The following YAP1 variants were observed in gnomAD, a reference collection of about 807,000 sequenced individuals.
YAP1 encodes the protein transcriptional coactivator YAP1.
Under a neutral mutation model 56.9 loss-of-function variants are expected in YAP1, and 5 were observed. The observed-to-expected ratio is 0.09, with a 90% CI of 0.05 to 0.18. YAP1 has a LOEUF of 0.18. Among genes scored for constraint, YAP1 ranks in the 10% least tolerant of loss-of-function variants. The pLI is 1.00. For synonymous variants in YAP1, 265 were observed against 248.1 expected, an observed-to-expected ratio of 1.07 and a Z score of -0.64; for missense variants, 539 against 651.8, an observed-to-expected ratio of 0.83 and a Z score of 1.88.
chr11:102,184,082 AAAAAAAAAAAAAAG>A (rs1947810101), intron 3 of YAP1, among the ~76,000 whole-genome samples: 2 of 145,540 alleles, frequency 1.4e-5, no homozygotes, highest in South Asian at 4.3e-4. Flanking sequence ...GTCTCAAAAA[AAAAAAAAAAAAAAG>A]AAAGCTACAA....
chr11:102,112,746 G>C, intron 1 of YAP1: 1 of 985,320 alleles, frequency 1.0e-6, no homozygotes, highest in Non-Finnish European at 1.2e-6. Context: ...TTTGTCTTAG[G>C]TATGCTTTTT....
chr11:102,122,253 A>G (rs1361418292), intron 2 of YAP1, among the ~76,000 whole-genome samples: 1 of 151,750 alleles, frequency 6.6e-6, no homozygotes, highest in African/African-American at 2.4e-5. Context: ...ACCGATCTCT[A>G]CTAAAAATAG....
intron 3 of YAP1, among the ~76,000 whole-genome samples, chr11:102,176,867 G>A (rs1425588763): frequency 6.6e-6 from 1 of 151,262 alleles, no homozygotes; most frequent in East Asian, 1.9e-4. Context: ...GGTGGAAAGT[G>A]CATGACACTT....
intron 6 of YAP1, 135 bp downstream of exon 6, chr11:102,209,699 C>T (rs1166285497): frequency 1.4e-5 from 11 of 784,140 alleles, no homozygotes; most frequent in Non-Finnish European, 1.9e-5. Context: ...CATCTTTCTA[C>T]CAAGATACTC....
chr11:102,178,446 A>G (rs148223137), intron 3 of YAP1, among the ~76,000 whole-genome samples: 32 of 152,308 alleles, frequency 2.1e-4, no homozygotes, highest in Non-Finnish European at 4.0e-4. Context: ...TCCTGTTTGA[A>G]TAGACATGGC....
At chr11:102,137,879 C>CT (rs901038833) in intron 2 of YAP1, among the ~76,000 whole-genome samples, 109 of 146,948 alleles carry the variant, frequency 7.4e-4, no homozygotes, top group African/African-American at 2.2e-3. Context: ...GAACTAAGTT[C>CT]TTTTTTTTTT....
chr11:102,186,004 T>C lies in YAP1; in HGVS notation c.689-14T>C, dbSNP rs756600229. The C allele has an allele frequency of 1.3e-6, 2 of 1,543,880 alleles. No homozygotes were observed. The highest frequency in any genetic ancestry group is 4.6e-5 in the East Asian group (2 of 43,792). Reference sequence around the variant, plus strand: ...ATAAAAACCATGATTTTTTTTTTTTTTTCTGTATTATAGGTCCTCTTCCTG... The same window carrying C: ...ATAAAAACCATGATTTTTTTTTTTTCTTCTGTATTATAGGTCCTCTTCCTG... On this transcript the variant is annotated splice_polypyrimidine_tract_variant and intron_variant, in intron 3 of 8. Coordinates refer to ENST00000282441, the MANE Select transcript of YAP1 (RefSeq NM_001130145.3).
chr11:102,137,908 G>A (rs897361118), intron 2 of YAP1, among the ~76,000 whole-genome samples: 4 of 151,700 alleles, frequency 2.6e-5, no homozygotes, highest in African/African-American at 9.7e-5. Context: ...AAATTTCCGA[G>A]ATGGAGTCTT....
Position 102,128,051 on chromosome 11 carries a change from GC to G in YAP1, c.572+13660del, listed in dbSNP as rs367762788. 6.1e-3 allele frequency among the ~76,000 whole-genome samples: 932 copies of G among 152,286 alleles called. 10 individuals carry two copies. The highest frequency in any genetic ancestry group is 0.021 in the African/African-American group (890 of 41,554). ...AACTAGCTTGCTTTTAGTTTTACAG[GC>G]CCATAGGTGGAAGGGATTTGCCTTG... On this transcript the variant is annotated intron_variant, in intron 2 of 8. Coordinates refer to ENST00000282441, the MANE Select transcript of YAP1 (RefSeq NM_001130145.3).
At chr11:102,183,317 A>C (rs1301387664) in intron 3 of YAP1, among the ~76,000 whole-genome samples, 1 of 152,258 alleles carries the variant, frequency 6.6e-6, no homozygotes, top group African/African-American at 2.4e-5. Flanking sequence ...TATCTGAAGA[A>C]GACTTCAGAA....
intron 1 of YAP1, among the ~76,000 whole-genome samples, chr11:102,113,537 T>G (rs988544773): frequency 6.6e-6 from 1 of 152,188 alleles, no homozygotes; most frequent in Admixed American, 6.5e-5. Context: ...ATAGTTGGGT[T>G]TTTTTCATCC....
At chr11:102,221,606 G>A (rs1565284758) in intron 6 of YAP1, among the ~76,000 whole-genome samples, 1 of 151,784 alleles carries the variant, frequency 6.6e-6, no homozygotes, top group Non-Finnish European at 1.5e-5. Context: ...CTCTGTGGCT[G>A]CAGCTACTCA....
At chr11:102,220,258 A>T (rs1949860040) in intron 6 of YAP1, among the ~76,000 whole-genome samples, 2 of 152,190 alleles carry the variant, frequency 1.3e-5, no homozygotes, top group South Asian at 4.2e-4. Flanking sequence ...GGCTTGAGAT[A>T]GTATGCCATA....
intron 3 of YAP1, among the ~76,000 whole-genome samples, chr11:102,168,706 A>G (rs1946736728): frequency 6.6e-6 from 1 of 152,196 alleles, no homozygotes; most frequent in Non-Finnish European, 1.5e-5. Flanking sequence ...TTCAGAAGCA[A>G]GCAAAGTGAG....
At chr11:102,114,567 A>T (rs1289519777) in intron 2 of YAP1, among the ~76,000 whole-genome samples, 173 bp downstream of exon 2, 4 of 152,176 alleles carry the variant, frequency 2.6e-5, no homozygotes, top group African/African-American at 7.2e-5. Context: ...TATGACCTAA[A>T]TACCTTTGTT....
chr11:102,152,840 A>G (rs912149821), intron 2 of YAP1, among the ~76,000 whole-genome samples: 2 of 152,180 alleles, frequency 1.3e-5, no homozygotes, highest in African/African-American at 4.8e-5. Context: ...TTGGAAATAT[A>G]TGTATTCTGG....
intron 8 of YAP1, 134 bp downstream of exon 8, chr11:102,227,715 A>T (rs1950259903): frequency 1.5e-6 from 1 of 657,182 alleles, no homozygotes; most frequent in Non-Finnish European, 2.7e-6. Flanking sequence ...AATTAAATTG[A>T]TCCTGCTTTG....
chr11:102,220,667 T>G lies in YAP1; in HGVS notation c.1033-2955T>G, dbSNP rs1420020836. 2.0e-5 allele frequency among the ~76,000 whole-genome samples: 3 copies of G among 152,090 alleles called. No individual in the cohort carries two copies. The East Asian group carries it at 5.8e-4, about 29-fold the overall frequency. On this transcript the variant is annotated intron_variant, in intron 6 of 8. Coordinates refer to ENST00000282441, the MANE Select transcript of YAP1 (RefSeq NM_001130145.3). ...TAAGGAGAGATGGGTCTGGAGTCTC[T>G]GAGGTTGGAGGGCTGGTAGAGTGGA...
intron 5 of YAP1, among the ~76,000 whole-genome samples, chr11:102,207,666 A>G (rs1215360701): frequency 6.6e-6 from 1 of 152,106 alleles, no homozygotes; most frequent in Non-Finnish European, 1.5e-5. Flanking sequence ...ACTCAGTACT[A>G]CCTGAACTCT....
Sources: gnomAD v4.1 joint callset for allele counts (sites outside exome capture counted in the v4.1 genomes callset) on GRCh38, gnomAD v4.1.1 for gene constraint, MANE v1.5 for transcripts, NCBI Gene and HGNC (gene_info 2026-07-23, HGNC 2026-07-21) for gene names.